The following PTPN23 variants were observed in gnomAD, a reference collection of about 807,000 sequenced individuals.
PTPN23 encodes tyrosine-protein phosphatase non-receptor type 23.
In PTPN23, 72 loss-of-function variants were observed where a neutral mutation model predicts 156.3. The observed-to-expected ratio is 0.46, with a 90% CI of 0.38 to 0.56. The LOEUF is 0.56. PTPN23 is among the 20% of genes least tolerant of loss of function. The probability of loss-of-function intolerance (pLI) is 0.00; values close to 1 mark genes in which losing one functional copy is unlikely to be tolerated. For missense variants in PTPN23, 1,974 were observed against 2,171.5 expected, an observed-to-expected ratio of 0.91 and a Z score of 1.81; for synonymous variants, 957 against 899.6, an observed-to-expected ratio of 1.06 and a Z score of -1.14.
At chr3:47,409,604 C>T (rs749773489) in intron 18 of PTPN23, 36 bp downstream of exon 18, 1 of 1,612,414 alleles carries the variant, frequency 6.2e-7, no homozygotes, top group Non-Finnish European at 8.5e-7. Context: ...CCCGGAGCCA[C>T]CTGGAGCCCA....
chr3:47,383,125 C>G (rs1179202270), intron 1 of PTPN23, among the ~76,000 whole-genome samples: 2 of 152,132 alleles, frequency 1.3e-5, no homozygotes, highest in African/African-American at 2.4e-5. Flanking sequence ...TTTATTGAGT[C>G]CCCACTGTGT....
rs1576227698 is a variant in PTPN23, at chr3:47,408,589, C to T, written c.1330+99C>T. 3.0e-5 allele frequency: 45 copies of T among 1,505,536 alleles called. No homozygotes were observed. In the South Asian group the frequency reaches 5.3e-4, roughly 18 times the overall value. 93.3% of individuals were successfully genotyped at this position (1,505,536 alleles called of 1,614,324 possible). A position where few individuals can be genotyped will look rare whatever the true frequency, so the allele number is the denominator to read the frequency against. Reference sequence around the variant, plus strand: ...GTCACTGAGGATGGAGGCTGCACCCCTCTAGGCCCTGGCTTGGGCATCCAC... The same window carrying T: ...GTCACTGAGGATGGAGGCTGCACCCTTCTAGGCCCTGGCTTGGGCATCCAC... On this transcript the variant is annotated intron_variant, in intron 15 of 24. Transcript: ENST00000265562.
At position 47,412,146 on chromosome 3, in the gene PTPN23, G is replaced by A. The variant is rs749890466; in HGVS notation, c.4126G>A (p.Ala1376Thr). 1.2e-5 allele frequency: 20 copies of A among 1,613,056 alleles called. No homozygotes were observed. The highest frequency in any genetic ancestry group is 4.0e-5 in the African/African-American group (3 of 74,926). Residue 1376 changes from alanine (A) to threonine (T), a missense_variant, in exon 22 of 25, where the codon GCA (alanine) becomes ACA (threonine). By Grantham distance (58) the Ala-to-Thr change is moderately conservative. Around this residue, in one of 4 missense-constraint regions of PTPN23, gnomAD observed 484 missense variants for 516.0 expected, o/e 0.94. Coordinates refer to ENST00000265562, the MANE Select transcript of PTPN23 (RefSeq NM_015466.4). ...NLLRFIQEVH[A>T]HYLHQRPLHT... ...GCTGCGCTTCATCCAGGAGGTGCAC[G>A]CACATTACCTGCATCAGCGGCCGCT...
rs1213587681 is a variant in PTPN23 at position 47,404,728 on chromosome 3, A to G, written c.236A>G (p.Gln79Arg). The change falls in exon 3 of 25, where the codon CAG (glutamine) becomes CGG (arginine). Residue 79 changes from glutamine (Q) to arginine (R), a missense_variant. By Grantham distance (43) the Gln-to-Arg change is conservative. Coordinates refer to ENST00000265562, the MANE Select transcript of PTPN23 (RefSeq NM_015466.4). ...TACCTCGGCCAGCTTCATTACCTGC[A>G]GAGTCGGGTCCCCATGGGCTCGGGC... ...RKYLGQLHYLQSRVPMGSGQE... is the reference protein window; with the variant it reads ...RKYLGQLHYLRSRVPMGSGQE... The G allele has an allele frequency of 6.2e-7, 1 of 1,613,950 alleles. No individual in the cohort carries two copies. The highest frequency in any genetic ancestry group is 1.7e-5 in the Admixed American group (1 of 60,026).
At chr3:47,408,730 C>T in intron 15 of PTPN23, 46 bp from the exon 16 acceptor site, 1 of 1,547,972 alleles carries the variant, frequency 6.5e-7, no homozygotes, top group African/African-American at 1.4e-5. Context: ...CCATGGGTGC[C>T]CGGTCAGCCT....
At chr3:47,401,797 C>T (rs190735261) in intron 2 of PTPN23, among the ~76,000 whole-genome samples, 4 of 152,300 alleles carry the variant, frequency 2.6e-5, no homozygotes, top group Non-Finnish European at 5.9e-5. Flanking sequence ...AGAAGCCTCA[C>T]TACCAGGGAG....
intron 1 of PTPN23, among the ~76,000 whole-genome samples, chr3:47,382,612 G>C (rs1704567134): frequency 7.1e-6 from 1 of 140,172 alleles, no homozygotes; most frequent in Non-Finnish European, 1.5e-5. Flanking sequence ...TTCATCTGCT[G>C]TTTCATACAA....
chr3:47,398,848 A>T (rs1704935142), intron 2 of PTPN23, among the ~76,000 whole-genome samples: 1 of 152,254 alleles, frequency 6.6e-6, no homozygotes, highest in South Asian at 2.1e-4. Flanking sequence ...TAAAGGCATG[A>T]GCCGCAGCAC....
At chr3:47,384,674 A>G (rs1704618632) in intron 1 of PTPN23, among the ~76,000 whole-genome samples, 1 of 152,110 alleles carries the variant, frequency 6.6e-6, no homozygotes, top group South Asian at 2.1e-4. Flanking sequence ...CAAGCCTTCC[A>G]TTATGGCATA....
rs1705141338 is a variant in PTPN23, at chr3:47,406,971, CAGGG to C, written c.808-158_808-155del. On this transcript the variant is annotated intron_variant, in intron 9 of 24. Coordinates refer to ENST00000265562, the MANE Select transcript of PTPN23 (RefSeq NM_015466.4). This position sits in a 1 kb window ranked among gnomAD's most constrained non-coding sequence, Gnocchi z 5.8. ...CTCCCTACAGAGCAGGTGGCTGGGG[CAGGG>C]TGTGGCGCCACCTTGCTGCTGTTGG... Among the ~76,000 whole-genome samples, 1 of 152,074 alleles carries C rather than the reference CAGGG, an allele frequency of 6.6e-6. No homozygotes were observed. Among genetic ancestry groups the C allele is most frequent in the Non-Finnish European group, 1.5e-5 (1 of 67,998 alleles).
intron 2 of PTPN23, among the ~76,000 whole-genome samples, chr3:47,404,177 G>A (rs1705064572): frequency 6.6e-6 from 1 of 152,228 alleles, no homozygotes; most frequent in Non-Finnish European, 1.5e-5. Context: ...GCTCATGCCT[G>A]TAATCCCAGC....
chr3:47,391,802 T>C (rs1576213298), intron 1 of PTPN23, among the ~76,000 whole-genome samples: 1 of 152,210 alleles, frequency 6.6e-6, no homozygotes, highest in Non-Finnish European at 1.5e-5. Context: ...GCAAAACCTC[T>C]TACTGCAAGG....
intron 1 of PTPN23, among the ~76,000 whole-genome samples, chr3:47,395,299 C>A (rs1704855599): frequency 6.6e-6 from 1 of 152,212 alleles, no homozygotes; most frequent in Non-Finnish European, 1.5e-5. Flanking sequence ...CCTTAAGGAG[C>A]CCTGTGAGGT....
intron 1 of PTPN23, among the ~76,000 whole-genome samples, chr3:47,392,269 T>G (rs1399293279): frequency 6.6e-6 from 1 of 152,114 alleles, no homozygotes; most frequent in Non-Finnish European, 1.5e-5. Context: ...CACTGCAGCT[T>G]CAAACTCCTG....
intron 1 of PTPN23, among the ~76,000 whole-genome samples, chr3:47,383,304 A>G (rs1203676444): frequency 6.6e-6 from 1 of 152,104 alleles, no homozygotes; most frequent in Non-Finnish European, 1.5e-5. Flanking sequence ...CCCTTCTTCA[A>G]TCTCCGTGAA....
chr3:47,396,696 G>T (rs893938768), intron 2 of PTPN23, among the ~76,000 whole-genome samples: 1 of 152,182 alleles, frequency 6.6e-6, no homozygotes, highest in African/African-American at 2.4e-5. Flanking sequence ...AGGAGGATTG[G>T]TTCCTCCTGG....
rs1248304821 is a variant in PTPN23 at position 47,407,838 on chromosome 3, G to A, written c.1118+27G>A. 2 of 1,613,960 alleles carry A rather than the reference G, an allele frequency of 1.2e-6. No individual in the cohort carries two copies. Among genetic ancestry groups the A allele is most frequent in the Non-Finnish European group, 8.5e-7 (1 of 1,179,920 alleles). Reference sequence around the variant, plus strand: ...TGGGTGGAGGGTGGCACAGAGGGAGGTGGGGTGTCTTGAGATGTGGGTCTT... The same window carrying A: ...TGGGTGGAGGGTGGCACAGAGGGAGATGGGGTGTCTTGAGATGTGGGTCTT... On this transcript the variant is annotated intron_variant, in intron 13 of 24. Transcript: ENST00000265562. This position sits in a 1 kb window ranked among gnomAD's most constrained non-coding sequence, Gnocchi z 4.0.
chr3:47,407,033 T>C lies in PTPN23; in HGVS notation c.808-97T>C. Reference sequence around the variant, plus strand: ...GGTGCCCGGCTGCCTCCTGAGCTGCTTGTCATCTGATGGACAGGCAGGGCC... The same window carrying C: ...GGTGCCCGGCTGCCTCCTGAGCTGCCTGTCATCTGATGGACAGGCAGGGCC... On this transcript the variant is annotated intron_variant, in intron 9 of 24. Coordinates refer to ENST00000265562, the MANE Select transcript of PTPN23 (RefSeq NM_015466.4). This position sits in a 1 kb window ranked among gnomAD's most constrained non-coding sequence, Gnocchi z 4.0. The C allele has an allele frequency of 6.6e-7, 1 of 1,511,342 alleles. No individual in the cohort carries two copies. Among genetic ancestry groups the C allele is most frequent in the South Asian group, 1.2e-5 (1 of 86,488 alleles). 93.6% of individuals were successfully genotyped at this position (1,511,342 alleles called of 1,614,324 possible).
intron 1 of PTPN23, among the ~76,000 whole-genome samples, chr3:47,381,700 G>C (rs1210172734): frequency 6.6e-6 from 1 of 152,218 alleles, no homozygotes; most frequent in African/African-American, 2.4e-5. Flanking sequence ...GTGAGGGTTT[G>C]TTTTACAATT....
Sources: gnomAD v4.1 joint callset for allele counts (sites outside exome capture counted in the v4.1 genomes callset) on GRCh38, gnomAD v4.1.1 for gene constraint, gnomAD v4.1.1 regional missense constraint, Gnocchi (gnomAD v3.1) non-coding constraint, MANE v1.5 for transcripts, NCBI Gene and HGNC (gene_info 2026-07-23, HGNC 2026-07-21) for gene names.